Variants in ANKRD44 observed in about 807,000 individuals in gnomAD.
ANKRD44 encodes the protein ankyrin repeat domain 44, also known as serine/threonine-protein phosphatase 6 regulatory ankyrin repeat subunit B.
A neutral mutation model predicts 116.0 loss-of-function variants in ANKRD44; 35 were observed. That is an observed-to-expected ratio of 0.30 (90% CI 0.23 to 0.40). The LOEUF (loss-of-function observed/expected upper bound fraction) is 0.40, where lower values mean the gene tolerates loss of function less well. ANKRD44 is among the 10% of genes least tolerant of loss of function. ANKRD44 has a pLI of 1.00. For synonymous variants in ANKRD44, 435 were observed against 461.8 expected (o/e 0.94, Z 0.74); for missense variants, 1,014 against 1,242.6 (o/e 0.82, Z 2.77).
At chr2:197,191,237 TTTG>T (rs1252968239) in intron 1 of ANKRD44, among the ~76,000 whole-genome samples, 1 of 152,168 alleles carries the variant, frequency 6.6e-6, no homozygotes, top group African/African-American at 2.4e-5. Context: ...ACAAGTGGGA[TTTG>T]TTGTTCAGAT....
At position 197,128,279 on chromosome 2, in the gene ANKRD44, T is replaced by G. The variant is rs148218534; in HGVS notation, c.262-2242A>C. 1.9e-3 allele frequency among the ~76,000 whole-genome samples: 289 copies of G among 152,318 alleles called. 1 individual carries two copies. The highest frequency in any genetic ancestry group is 6.5e-3 in the African/African-American group (269 of 41,572). ...ACCAACAGTGCAAAAGCTTTCCTTTTTCTCTGCAACCTCACCAGCATCTCT... is the reference window on the plus strand; with the variant it reads ...ACCAACAGTGCAAAAGCTTTCCTTTGTCTCTGCAACCTCACCAGCATCTCT... On this transcript the variant is annotated intron_variant, in intron 4 of 27. Coordinates refer to ENST00000282272, the MANE Select transcript of ANKRD44 (RefSeq NM_001195144.2).
At position 197,293,082 on chromosome 2, in the gene ANKRD44, C is replaced by A. The variant is rs746288902; in HGVS notation, c.27+17496G>T. Among the ~76,000 whole-genome samples the A allele has an allele frequency of 2.0e-5, 3 of 152,212 alleles. No homozygotes were observed. In the East Asian group the frequency reaches 5.8e-4, roughly 29 times the overall value. ...ATTAGCAATATTTTATATCACCAATCTTTTTACTAGGGTTATTTACATAAC... is the reference window on the plus strand; with the variant it reads ...ATTAGCAATATTTTATATCACCAATATTTTTACTAGGGTTATTTACATAAC... On this transcript the variant is annotated intron_variant, in intron 1 of 27. Transcript: ENST00000282272.
intron 23 of ANKRD44, 89 bp from the exon 24 acceptor site, chr2:196,999,141 T>C: frequency 6.8e-7 from 1 of 1,479,206 alleles, no homozygotes; most frequent in South Asian, 1.3e-5. Context: ...AGGTGTTGTC[T>C]TAAGGATTTA....
chr2:197,310,520 C>T, intron 1 of ANKRD44, 58 bp downstream of exon 1: 4 of 1,008,278 alleles, frequency 4.0e-6, no homozygotes, highest in Non-Finnish European at 3.5e-6. Context: ...ATCCCCCCGC[C>T]GGGCTCCGCG....
intron 21 of ANKRD44, among the ~76,000 whole-genome samples, chr2:196,977,514 C>T (rs2075768788): frequency 1.3e-5 from 2 of 152,158 alleles, no homozygotes; most frequent in Admixed American, 1.3e-4. Context: ...AAAAACACAA[C>T]GTGATTTAAA....
intron 2 of ANKRD44, among the ~76,000 whole-genome samples, chr2:197,155,047 A>G (rs2079774116): frequency 6.6e-6 from 1 of 152,246 alleles, no homozygotes; most frequent in Non-Finnish European, 1.5e-5. Flanking sequence ...ATGATAAAAT[A>G]AGAAAAATAA....
intron 10 of ANKRD44, among the ~76,000 whole-genome samples, chr2:197,097,773 T>G (rs536877602): frequency 2.0e-5 from 3 of 152,190 alleles, no homozygotes; most frequent in African/African-American, 7.2e-5. Flanking sequence ...TACACACAAA[T>G]GGGATCATTA....
intron 1 of ANKRD44, among the ~76,000 whole-genome samples, chr2:197,188,299 T>C (rs1341259264): frequency 6.6e-6 from 1 of 152,108 alleles, no homozygotes; most frequent in African/African-American, 2.4e-5. Flanking sequence ...GACAAGGGTG[T>C]ATCCAAAAAA....
At chr2:197,079,650 T>A (rs2077749503) in intron 15 of ANKRD44, among the ~76,000 whole-genome samples, 2 of 152,252 alleles carry the variant, frequency 1.3e-5, no homozygotes, top group South Asian at 4.1e-4. Context: ...CTTCATAGCA[T>A]CAGCATTATC....
chr2:197,010,285 G>C (rs1354181221), intron 18 of ANKRD44, among the ~76,000 whole-genome samples: 1 of 152,122 alleles, frequency 6.6e-6, no homozygotes, highest in African/African-American at 2.4e-5. Flanking sequence ...TTGAGTGACG[G>C]TCCCTCAGCC....
At chr2:197,021,148 T>G (rs2076491009) in intron 17 of ANKRD44, among the ~76,000 whole-genome samples, 1 of 152,364 alleles carries the variant, frequency 6.6e-6, no homozygotes, top group South Asian at 2.1e-4. Context: ...TATGGCTGCA[T>G]AGTAGTCCAC....
chr2:197,287,599 A>G (rs764420709), intron 1 of ANKRD44, among the ~76,000 whole-genome samples: 12 of 152,190 alleles, frequency 7.9e-5, no homozygotes, highest in Non-Finnish European at 1.6e-4. Context: ...AGACAACCAC[A>G]CATCATTGTG....
At chr2:197,018,279 T>C (rs541451310) in intron 17 of ANKRD44, among the ~76,000 whole-genome samples, 11 of 152,218 alleles carry the variant, frequency 7.2e-5, no homozygotes, top group African/African-American at 2.6e-4. Flanking sequence ...TCCAAAACTT[T>C]CCATGACCAA....
At position 196,988,750 on chromosome 2, in the gene ANKRD44, C is replaced by T. The variant is rs2075868163; in HGVS notation, c.*841G>A. 1.0e-6 allele frequency: 1 copy of T among 985,366 alleles called. No individual in the cohort carries two copies. Among genetic ancestry groups the T allele is most frequent in the Non-Finnish European group, 1.2e-6 (1 of 829,920 alleles). The allele number at this position is 985,366 out of a possible 1,614,324, so 61.0% of individuals were successfully genotyped here. ...CGACACATTTCTTTTCTGTCTCTTC[C>T]TCAAGTAGAAAATAGCACTTGAGCT... On this transcript the variant is annotated 3_prime_UTR_variant, in exon 28 of 28. Coordinates refer to ENST00000282272, the MANE Select transcript of ANKRD44 (RefSeq NM_001195144.2).
intron 1 of ANKRD44, among the ~76,000 whole-genome samples, chr2:197,216,107 C>T (rs780264308): frequency 6.6e-6 from 1 of 152,212 alleles, no homozygotes; most frequent in Non-Finnish European, 1.5e-5. Flanking sequence ...ACCAAGAAGA[C>T]ATCACCTACC....
At chr2:197,184,072 C>G (rs2080586531) in intron 2 of ANKRD44, among the ~76,000 whole-genome samples, 1 of 152,194 alleles carries the variant, frequency 6.6e-6, no homozygotes, top group Non-Finnish European at 1.5e-5. Context: ...TGCTGTGTCC[C>G]TAGCACTGAG....
chr2:197,113,092 A>G (rs1366516404), intron 8 of ANKRD44, among the ~76,000 whole-genome samples: 4 of 152,250 alleles, frequency 2.6e-5, no homozygotes, highest in Admixed American at 2.6e-4. Flanking sequence ...AATCTGAATC[A>G]GAACAGACTG....
downstream of ANKRD44, among the ~76,000 whole-genome samples, chr2:196,986,171 C>T (rs1157089897): frequency 1.3e-5 from 2 of 152,076 alleles, no homozygotes; most frequent in African/African-American, 2.4e-5. Context: ...TTTTCTATTT[C>T]TAGTTTATCA....
At chr2:197,066,154 T>A (rs2077428857) in intron 16 of ANKRD44, among the ~76,000 whole-genome samples, 1 of 152,144 alleles carries the variant, frequency 6.6e-6, no homozygotes, top group Admixed American at 6.5e-5. Flanking sequence ...TCAATAAACA[T>A]AATCCAGCAT....
Sources: gnomAD v4.1 joint callset for allele counts (sites outside exome capture counted in the v4.1 genomes callset) on GRCh38, gnomAD v4.1.1 for gene constraint, MANE v1.5 for transcripts, NCBI Gene and HGNC (gene_info 2026-07-23, HGNC 2026-07-21) for gene names.